The following ZNF257 variants were observed in gnomAD, a reference collection of about 807,000 sequenced individuals.
The protein encoded by ZNF257 is bone marrow zinc finger 4.
In ZNF257, 12 loss-of-function variants were observed where a neutral mutation model predicts 11.9. The ratio of observed to expected loss-of-function variants is 1.01; its 90% CI spans 0.65 to 1.63. ZNF257 has a LOEUF of 1.63. ZNF257 is among the 40% of genes most tolerant of loss of function. The pLI, the probability that ZNF257 is intolerant of heterozygous loss-of-function variation, is 0.00. For missense variants in ZNF257, 580 were observed against 665.5 expected, an observed-to-expected ratio of 0.87 and a Z score of 1.41; for synonymous variants, 183 against 222.7, an observed-to-expected ratio of 0.82 and a Z score of 1.59.
chr19:22,084,670 G>T (rs2145717101), intron 3 of ZNF257, among the ~76,000 whole-genome samples: 1 of 150,110 alleles, frequency 6.7e-6, no homozygotes, highest in Non-Finnish European at 1.5e-5. Context: ...GAAATTTTCA[G>T]TTTTTTCCAT....
intron 3 of ZNF257, among the ~76,000 whole-genome samples, chr19:22,085,690 GCA>G (rs77765830): frequency 0.13 from 19,918 of 147,796 alleles, 1,375 homozygotes; most frequent in Middle Eastern, 0.18. Flanking sequence ...ACACACACAT[GCA>G]CACACACACA....
chr19:22,062,376 G>A (rs550778722), intron 1 of ZNF257, among the ~76,000 whole-genome samples: 4 of 151,620 alleles, frequency 2.6e-5, no homozygotes, highest in African/African-American at 4.8e-5. Context: ...TACCTGCCTC[G>A]GCCTCCCAAA....
rs557850159 is a variant in ZNF257 at position 22,052,502 on chromosome 19, G to T, written c.-131G>T. 106 of 1,092,730 alleles carry T rather than the reference G, an allele frequency of 9.7e-5. 1 individual carries two copies. The South Asian group carries it at 1.2e-3, about 12-fold the overall frequency. 67.7% of individuals were successfully genotyped at this position (1,092,730 alleles called of 1,614,324 possible). On this transcript the variant is annotated 5_prime_UTR_variant, in exon 1 of 4. Transcript: ENST00000594947. ...GGCGGGTACTTTGTCTCTCGCTCTA[G>T]CCCGAGCTGCAGGTCTCGTCTTCCC...
chr19:22,087,663 CTA>C (rs1279225254), intron 3 of ZNF257: 1 of 872,038 alleles, frequency 1.1e-6, no homozygotes, highest in African/African-American at 1.7e-5. Context: ...TCTAAGGGCA[CTA>C]TGTTATACTG....
At chr19:22,084,808 T>C (rs1408360596) in intron 3 of ZNF257, among the ~76,000 whole-genome samples, 1 of 150,558 alleles carries the variant, frequency 6.6e-6, no homozygotes, top group Non-Finnish European at 1.5e-5. Context: ...CTCGGCTAAC[T>C]AACTCCTGCC....
intron 1 of ZNF257, among the ~76,000 whole-genome samples, chr19:22,057,809 G>A (rs2021684236): frequency 6.6e-6 from 1 of 152,158 alleles, no homozygotes; most frequent in Admixed American, 6.5e-5. Flanking sequence ...GCCCAGGCTG[G>A]AGTGCAATGG....
At chr19:22,081,026 G>A (rs1247209205) in intron 3 of ZNF257, among the ~76,000 whole-genome samples, 5 of 151,424 alleles carry the variant, frequency 3.3e-5, no homozygotes, top group Admixed American at 6.6e-5. Context: ...TACAAGGCAC[G>A]TGCCACCATG....
chr19:22,074,856 CTTAT>C (rs534367204), intron 3 of ZNF257, among the ~76,000 whole-genome samples: 80 of 152,210 alleles, frequency 5.3e-4, no homozygotes, highest in African/African-American at 1.8e-3. Context: ...CAAATTTTTA[CTTAT>C]TTGTCTTCAG....
intron 1 of ZNF257, among the ~76,000 whole-genome samples, chr19:22,056,478 A>ATTTTT (rs79915542): frequency 0.048 from 6,422 of 134,520 alleles, 664 homozygotes; most frequent in African/African-American, 0.17. Flanking sequence ...GAATTTAGAA[A>ATTTTT]TTTTTTTTTT....
chr19:22,085,690 G>GCA (rs77765830), intron 3 of ZNF257, among the ~76,000 whole-genome samples: 13,843 of 147,968 alleles, frequency 0.094, 2,115 homozygotes, highest in African/African-American at 0.32. Flanking sequence ...ACACACACAT[G>GCA]CACACACACA....
intron 3 of ZNF257, chr19:22,074,341 AATTTATTT>A (rs531832459): frequency 6.6e-6 from 1 of 151,842 alleles, no homozygotes; most frequent in African/African-American, 2.4e-5. Context: ...TGTTCTCAGA[AATTTATTT>A]ATTTATTTAT....
At chr19:22,056,573 T>C (rs1205971961) in intron 1 of ZNF257, among the ~76,000 whole-genome samples, 1 of 150,486 alleles carries the variant, frequency 6.6e-6, no homozygotes, top group Non-Finnish European at 1.5e-5. Context: ...CCTCCCAGGT[T>C]CACACCCTTC....
chr19:22,080,883 G>GTT (rs35481296), intron 3 of ZNF257, among the ~76,000 whole-genome samples: 168 of 143,196 alleles, frequency 1.2e-3, no homozygotes, highest in South Asian at 6.5e-3. Flanking sequence ...TATATAGTTG[G>GTT]TTTTTTTTTT....
At chr19:22,077,253 A>T (rs943857368) in intron 3 of ZNF257, among the ~76,000 whole-genome samples, 2 of 152,114 alleles carry the variant, frequency 1.3e-5, no homozygotes, top group Non-Finnish European at 2.9e-5. Context: ...TGGGAGTTTG[A>T]GGCTGCAGTG....
At position 22,089,158 on chromosome 19, in the gene ZNF257, C is replaced by T. The variant is rs770886735; in HGVS notation, c.1408C>T (p.Gln470Ter). 2 of 1,613,414 alleles carry T rather than the reference C, an allele frequency of 1.2e-6. No homozygotes were observed. Among genetic ancestry groups the T allele is most frequent in the South Asian group, 1.1e-5 (1 of 91,046 alleles). ...TGAAGAGTGTGGCAAAGCCTTTAAC[C>T]AGTCTTCACACCTTACTCAACATAA... Reference protein sequence around the residue: ...KCEECGKAFNQSSHLTQHKII... With the variant: ...KCEECGKAFN Residue 470 changes from glutamine to a stop codon, truncating the protein, a stop_gained, in exon 4 of 4, where the codon CAG becomes TAG. Transcript: ENST00000594947. LOFTEE classifies it low-confidence loss of function (END_TRUNC).
Position 22,088,639 on chromosome 19 carries a change from T to A in ZNF257, c.889T>A (p.Ser297Thr). ...YDECCKAFKW[S>T]SALTTLTQHK... ...TGAATGTTGCAAAGCCTTTAAGTGG[T>A]CCTCAGCTCTTACTACCCTTACTCA... Residue 297 changes from serine to threonine, a missense_variant, in exon 4 of 4, where the codon TCC (serine) becomes ACC (threonine). Ser to Thr is a moderately conservative substitution (Grantham distance 58, BLOSUM62 1). Coordinates refer to ENST00000594947, the MANE Select transcript of ZNF257 (RefSeq NM_033468.4). 1.2e-6 allele frequency: 2 copies of A among 1,613,274 alleles called. No homozygotes were observed. The highest frequency in any genetic ancestry group is 1.7e-6 in the Non-Finnish European group (2 of 1,179,812).
intron 3 of ZNF257, among the ~76,000 whole-genome samples, chr19:22,077,455 C>T (rs2022254270): frequency 6.6e-6 from 1 of 152,108 alleles, no homozygotes; most frequent in South Asian, 2.1e-4. Flanking sequence ...CTCTCTCCAG[C>T]CCTCAACAAA....
chr19:22,075,100 A>AG (rs1462444509), intron 3 of ZNF257, among the ~76,000 whole-genome samples: 1 of 151,918 alleles, frequency 6.6e-6, no homozygotes, highest in Non-Finnish European at 1.5e-5. Flanking sequence ...TGTGATGGAG[A>AG]GGGGTTGTAG....
In ZNF257 at chr19:22,088,308, A is replaced by G; in HGVS notation, c.558A>G (p.Ser186=). Residue 186 remains serine (S), a synonymous_variant, in exon 4 of 4, where the codon TCA becomes TCG. Coordinates refer to ENST00000594947, the MANE Select transcript of ZNF257 (RefSeq NM_033468.4). ...GTGGCAAATCATTTTGCATGCTTTC[A>G]CAACTAACTCGACATAAGAGAATTC... ...KECGKSFCML[S]QLTRHKRIHI... The G allele has an allele frequency of 6.2e-7, 1 of 1,613,590 alleles. No homozygotes were observed. The highest frequency in any genetic ancestry group is 8.5e-7 in the Non-Finnish European group (1 of 1,179,766).
Sources: allele counts gnomAD v4.1 joint callset (sites outside exome capture counted in the v4.1 genomes callset), GRCh38; gene constraint gnomAD v4.1.1; transcripts MANE v1.5; gene names NCBI Gene and HGNC (gene_info 2026-07-23, HGNC 2026-07-21).